The following SYN2 variants were observed in gnomAD, a reference collection of about 807,000 sequenced individuals.
SYN2 encodes synapsin-2.
SYN2 carries 19 observed loss-of-function variants against 50.9 expected under a neutral mutation model. The observed-to-expected ratio is 0.37, with a 90% CI of 0.26 to 0.55. The LOEUF (loss-of-function observed/expected upper bound fraction) is 0.55. Among genes scored for constraint, SYN2 ranks in the 20% least tolerant of loss-of-function variants. The pLI, the probability that SYN2 is intolerant of heterozygous loss-of-function variation, is 0.81. For missense variants in SYN2, 587 were observed against 576.4 expected, an observed-to-expected ratio of 1.02 and a Z score of -0.19; for synonymous variants, 255 against 224.9, an observed-to-expected ratio of 1.13 and a Z score of -1.20.
At chr3:12,180,451 A>G (rs1698196572) in intron 10 of SYN2, among the ~76,000 whole-genome samples, 1 of 152,096 alleles carries the variant, frequency 6.6e-6, no homozygotes, top group African/African-American at 2.4e-5. Context: ...GAGTGGCCAG[A>G]CTTCTGTGGA....
At chr3:12,085,118 A>G (rs1408565089) in intron 1 of SYN2, among the ~76,000 whole-genome samples, 11 of 152,070 alleles carry the variant, frequency 7.2e-5, no homozygotes, top group Admixed American at 5.2e-4. Flanking sequence ...TAAAAAAAAA[A>G]AAAAAATATG....
intron 1 of SYN2, among the ~76,000 whole-genome samples, chr3:12,011,023 T>G (rs961308696): frequency 1.3e-5 from 2 of 152,136 alleles, no homozygotes; most frequent in Admixed American, 1.3e-4. Context: ...TCTTACAAGA[T>G]TTACAGGTGT....
intron 4 of SYN2, among the ~76,000 whole-genome samples, chr3:12,150,877 C>A (rs1207832399): frequency 6.6e-6 from 1 of 152,118 alleles, no homozygotes; most frequent in African/African-American, 2.4e-5. Flanking sequence ...TGTGGAAAGT[C>A]AGAGACCCAA....
intron 1 of SYN2, among the ~76,000 whole-genome samples, chr3:12,137,024 T>C (rs1339712625): frequency 1.3e-5 from 2 of 152,088 alleles, no homozygotes; most frequent in East Asian, 3.8e-4. Flanking sequence ...GGCAGGAGGA[T>C]TGCTTGAGCC....
chr3:12,129,365 G>C (rs900088623), intron 1 of SYN2, among the ~76,000 whole-genome samples: 7 of 152,142 alleles, frequency 4.6e-5, no homozygotes, highest in African/African-American at 1.4e-4. Context: ...TTGGAAATGG[G>C]TACTGTCCTT....
At chr3:12,175,399 C>T (rs374710684) in intron 10 of SYN2, among the ~76,000 whole-genome samples, 4 of 152,332 alleles carry the variant, frequency 2.6e-5, no homozygotes, top group East Asian at 3.9e-4. Context: ...CTTTGCATAG[C>T]CAGCTCAGCC....
chr3:12,178,109 C>T (rs752723599), intron 10 of SYN2, among the ~76,000 whole-genome samples: 53 of 152,320 alleles, frequency 3.5e-4, no homozygotes, highest in Non-Finnish European at 6.0e-4. Flanking sequence ...CATTCTTTCC[C>T]GCTGCCTCAT....
At chr3:12,183,767 A>G in intron 11 of SYN2, 4 of 1,117,268 alleles carry the variant, frequency 3.6e-6, no homozygotes, top group African/African-American at 3.4e-5. Flanking sequence ...TAAAAGTAAT[A>G]TATAATGTGG....
At chr3:12,174,399 C>G (rs2125247536) in intron 10 of SYN2, among the ~76,000 whole-genome samples, 1 of 152,272 alleles carries the variant, frequency 6.6e-6, no homozygotes, top group African/African-American at 2.4e-5. Context: ...TTGTACTATC[C>G]TAACTGTTGC....
intron 1 of SYN2, among the ~76,000 whole-genome samples, chr3:12,081,025 A>G (rs770195803): frequency 1.3e-5 from 2 of 152,212 alleles, no homozygotes; most frequent in Non-Finnish European, 2.9e-5. Flanking sequence ...TCACCTGTTA[A>G]TGTATTTTCA....
At chr3:12,025,307 C>T (rs975140925) in intron 1 of SYN2, among the ~76,000 whole-genome samples, 2 of 152,040 alleles carry the variant, frequency 1.3e-5, no homozygotes, top group Non-Finnish European at 2.9e-5. Context: ...TCCATAGCAA[C>T]GTGGTATTGT....
rs756182293 is a variant in SYN2 at position 12,106,865 on chromosome 3, G to GT, written c.378-33778dup. On this transcript the variant is annotated intron_variant, in intron 1 of 12. Transcript: ENST00000621198. ...TAGAGAACAGATAGGGTCTTCTAGT[G>GT]TTTTTTTTAACAGCTGCTTTAAAAG... 6.9e-4 allele frequency among the ~76,000 whole-genome samples: 104 copies of GT among 151,822 alleles called. 1 individual carries two copies. Among genetic ancestry groups the GT allele is most frequent in the Middle Eastern group, 3.4e-3 (1 of 294 alleles).
At chr3:12,125,471 T>TA (rs1277118085) in intron 1 of SYN2, among the ~76,000 whole-genome samples, 1 of 152,230 alleles carries the variant, frequency 6.6e-6, no homozygotes, top group Non-Finnish European at 1.5e-5. Context: ...AACAGAAAGC[T>TA]ACACTCAATA....
At chr3:12,184,092 TAGAGC>T (rs1698287190) in intron 11 of SYN2, 1 of 985,946 alleles carries the variant, frequency 1.0e-6, no homozygotes, top group South Asian at 4.7e-5. Context: ...GCTGTGCCTG[TAGAGC>T]TCTTGTGTTT....
intron 10 of SYN2, among the ~76,000 whole-genome samples, chr3:12,174,547 T>C (rs1167309466): frequency 6.6e-6 from 1 of 152,088 alleles, no homozygotes; most frequent in Non-Finnish European, 1.5e-5. Flanking sequence ...TGGTGGTGCA[T>C]CTCAGCTCAC....
At chr3:12,083,236 T>TC (rs1459209063) in intron 1 of SYN2, among the ~76,000 whole-genome samples, 2 of 152,228 alleles carry the variant, frequency 1.3e-5, no homozygotes, top group Admixed American at 6.5e-5. Context: ...GGTCTAGAAC[T>TC]CCTGACCTCA....
At chr3:12,173,778 G>A (rs374136612) in intron 10 of SYN2, among the ~76,000 whole-genome samples, 2 of 152,154 alleles carry the variant, frequency 1.3e-5, no homozygotes, top group South Asian at 4.1e-4. Flanking sequence ...GCTGGGCATG[G>A]TGGCAGGTGT....
chr3:12,173,600 A>C (rs1335059370), intron 10 of SYN2, among the ~76,000 whole-genome samples: 2 of 151,866 alleles, frequency 1.3e-5, no homozygotes, highest in South Asian at 4.2e-4. Flanking sequence ...CAACCATCCC[A>C]CTGAAATGGC....
At chr3:12,024,182 A>C (rs449605) in intron 1 of SYN2, among the ~76,000 whole-genome samples, 2 of 125,706 alleles carry the variant, frequency 1.6e-5, no homozygotes, top group South Asian at 5.4e-4. Context: ...TTTGAGACAG[A>C]GTCTCACTCT....
Sources: gnomAD v4.1 joint callset for allele counts (sites outside exome capture counted in the v4.1 genomes callset) on GRCh38, gnomAD v4.1.1 for gene constraint, MANE v1.5 for transcripts, NCBI Gene and HGNC (gene_info 2026-07-23, HGNC 2026-07-21) for gene names.